Variants in MEGF8 observed in about 807,000 individuals in gnomAD.
MEGF8 encodes the protein multiple EGF like domains 8.
Under a neutral mutation model 302.9 loss-of-function variants are expected in MEGF8, and 156 were observed. The ratio of observed to expected loss-of-function variants is 0.52; its 90% confidence interval spans 0.45 to 0.59. The LOEUF (loss-of-function observed/expected upper bound fraction) is 0.59, where lower values mean the gene tolerates loss of function less well. Ranked by LOEUF, MEGF8 falls within the 20% of genes least tolerant of loss-of-function variation. MEGF8 has a pLI of 0.00. For synonymous variants in MEGF8, 1,621 were observed against 1,660.5 expected (o/e 0.98, Z 0.58); for missense variants, 3,345 against 3,964.5 (o/e 0.84, Z 4.20).
In MEGF8 at chr19:42,369,440, TGAG is replaced by T. The variant is rs1406947732; in HGVS notation, c.6642-90_6642-88del. ...GACAGAGCAGGGATGAGCAACCAGT[TGAG>T]AAGAGGGTGGGGTAGTTGGTTGGGT... On this transcript the variant is annotated intron_variant, in intron 37 of 41. Transcript: ENST00000251268. The surrounding 1 kb of genome is among the most constrained non-coding windows in gnomAD (Gnocchi z 5.7). The T allele has an allele frequency of 5.9e-6, 8 of 1,355,642 alleles. No individual in the cohort carries two copies. The highest frequency in any genetic ancestry group is 5.2e-4 in the Middle Eastern group (2 of 3,818). 84.0% of individuals were successfully genotyped at this position (1,355,642 alleles called of 1,614,324 possible). A position where few individuals can be genotyped will look rare whatever the true frequency, so the allele number is the denominator to read the frequency against.
At chr19:42,339,740 A>G (rs1044332631) in intron 8 of MEGF8, among the ~76,000 whole-genome samples, 51 of 152,212 alleles carry the variant, frequency 3.4e-4, no homozygotes, top group African/African-American at 1.2e-3. Context: ...CAGCATGGCT[A>G]TCCCCAAACA....
intron 8 of MEGF8, among the ~76,000 whole-genome samples, chr19:42,337,861 T>C (rs2039153635): frequency 6.6e-6 from 1 of 151,964 alleles, no homozygotes; most frequent in Non-Finnish European, 1.5e-5. Context: ...TAGAGTGCAG[T>C]AGCGTGATCT....
intron 1 of MEGF8, among the ~76,000 whole-genome samples, chr19:42,332,970 T>G (rs554416328): frequency 6.6e-6 from 1 of 152,264 alleles, no homozygotes; most frequent in African/African-American, 2.4e-5. Context: ...CTGGTAGCTA[T>G]TTGGTGGCAG....
At position 42,368,443 on chromosome 19, in the gene MEGF8, C is replaced by T. The variant is rs1375088406; in HGVS notation, c.6274-12C>T. ...CTCTTCCCTGCATCCCCATCCCCTC[C>T]CCCCCATACAGTGTCTGAGCCCTTC... On this transcript the variant is annotated splice_polypyrimidine_tract_variant and intron_variant, in intron 35 of 41. Coordinates refer to ENST00000251268, the MANE Select transcript of MEGF8 (RefSeq NM_001271938.2). This position sits in a 1 kb window ranked among gnomAD's most constrained non-coding sequence, Gnocchi z 4.9. 1.9e-6 allele frequency: 3 copies of T among 1,580,680 alleles called. No individual in the cohort carries two copies. The highest frequency in any genetic ancestry group is 1.2e-5 in the South Asian group (1 of 86,838).
At position 42,333,703 on chromosome 19, in the gene MEGF8, G is replaced by T. The variant is rs370744518; in HGVS notation, c.286G>T (p.Gly96Trp). 5 of 1,614,000 alleles carry T rather than the reference G, an allele frequency of 3.1e-6. No homozygotes were observed. The highest frequency in any genetic ancestry group is 3.4e-6 in the Non-Finnish European group (4 of 1,179,902). Residue 96 changes from glycine (G) to tryptophan (W), a missense_variant, in exon 2 of 42, where the codon GGG (glycine) becomes TGG (tryptophan). Physicochemically the swap from Gly to Trp is radical, Grantham distance 184. Transcript: ENST00000251268. ...CGTGTATGACGGTGACTCCCCGCGAGGGCCGCTGCTTGCCAGTCTAAGTGG... is the reference window on the plus strand; with the variant it reads ...CGTGTATGACGGTGACTCCCCGCGATGGCCGCTGCTTGCCAGTCTAAGTGG... ...LFVYDGDSPR[G>W]PLLASLSGST...
In MEGF8 at chr19:42,359,128, C is replaced by A; in HGVS notation, c.5374C>A (p.Leu1792Met). The change falls in exon 31 of 42, where the codon CTG becomes ATG. Residue 1792 changes from leucine to methionine, a missense_variant. Leu to Met is a conservative substitution (Grantham distance 15, BLOSUM62 2). Coordinates refer to ENST00000251268, the MANE Select transcript of MEGF8 (RefSeq NM_001271938.2). ...CCCCCGGCTTTTCCACGCCTCAGCC[C>A]TGTTAGGGGACACCATGGTGGTTCT... The part of the protein sequence containing the change: ...PRPRLFHASA[L>M]LGDTMVVLGG... 1 of 1,579,622 alleles carries A rather than the reference C, an allele frequency of 6.3e-7. No individual in the cohort carries two copies. The highest frequency in any genetic ancestry group is 2.3e-5 in the East Asian group (1 of 43,632).
rs755556615 is a variant in MEGF8 at position 42,353,688 on chromosome 19, G to T, written c.3761+13G>T. The T allele has an allele frequency of 1.3e-6, 2 of 1,575,842 alleles. No individual in the cohort carries two copies. The highest frequency in any genetic ancestry group is 4.6e-5 in the East Asian group (2 of 43,912). On this transcript the variant is annotated intron_variant, in intron 21 of 41. Transcript: ENST00000251268. The surrounding 1 kb of genome is among the most constrained non-coding windows in gnomAD (Gnocchi z 6.1). The stretch of plus-strand genomic sequence containing the variant: ...ATGGGGATCCCCGGTGAGCCAACGG[G>T]CCAGCCAGGGCTGGGTAGGGTGTGC...
chr19:42,331,888 C>A (rs1197948261), intron 1 of MEGF8, among the ~76,000 whole-genome samples: 1 of 145,884 alleles, frequency 6.9e-6, no homozygotes, highest in African/African-American at 2.5e-5. Context: ...TTTTTTGAGT[C>A]CCCTCTGTCG....
At chr19:42,333,916 C>T in intron 2 of MEGF8, 91 bp from the exon 3 acceptor site, 1 of 1,514,208 alleles carries the variant, frequency 6.6e-7, no homozygotes, top group Non-Finnish European at 9.0e-7. Flanking sequence ...GGCTCTGGGT[C>T]CCCCAGGGTG....
At chr19:42,350,008 T>G in intron 14 of MEGF8, 140 bp from the exon 15 acceptor site, 1 of 695,724 alleles carries the variant, frequency 1.4e-6, no homozygotes, top group South Asian at 1.9e-5. Context: ...ACCTTGGACC[T>G]CTTTACTGAT....
rs1424583539 is a variant in MEGF8 at position 42,349,549 on chromosome 19, G to A, written c.2349G>A (p.Leu783=). Residue 783 remains leucine (L), a synonymous_variant, in exon 14 of 42, where the codon CTG becomes CTA. Transcript: ENST00000251268. ...VAHQEKETRR[L]QRPGSARLFP... The stretch of plus-strand genomic sequence containing the variant: ...ATCAGGAGAAGGAGACGCGGCGGCT[G>A]CAGCGCCCTGGGTCTGCTCGCCTCT... 2 of 1,611,890 alleles carry A rather than the reference G, an allele frequency of 1.2e-6. No homozygotes were observed. Among genetic ancestry groups the A allele is most frequent in the East Asian group, 2.2e-5 (1 of 44,870 alleles).
chr19:42,341,650 G>A (rs1192932300), intron 8 of MEGF8, among the ~76,000 whole-genome samples: 1 of 151,996 alleles, frequency 6.6e-6, no homozygotes, highest in Non-Finnish European at 1.5e-5. Context: ...TTGCTGTGTT[G>A]TCCAGGCTAG....
At chr19:42,363,871 G>A (rs1459092812) in intron 35 of MEGF8, among the ~76,000 whole-genome samples, 1 of 152,196 alleles carries the variant, frequency 6.6e-6, no homozygotes, top group Non-Finnish European at 1.5e-5. Context: ...TCGGGTTTCT[G>A]TCGGTCTGAT....
chr19:42,365,248 G>A (rs905173267), intron 35 of MEGF8, among the ~76,000 whole-genome samples: 3 of 152,040 alleles, frequency 2.0e-5, no homozygotes, highest in Admixed American at 6.6e-5. Flanking sequence ...GCGGGCATGC[G>A]CTGTTCCCCC....
At chr19:42,367,317 C>A (rs2039621192) in intron 35 of MEGF8, among the ~76,000 whole-genome samples, 1 of 146,068 alleles carries the variant, frequency 6.8e-6, no homozygotes, top group Admixed American at 6.9e-5. Flanking sequence ...GAGACGGAGT[C>A]TCGCTCTGTC....
intron 12 of MEGF8, 52 bp from the exon 13 acceptor site, chr19:42,348,220 G>A: frequency 6.9e-7 from 1 of 1,458,596 alleles, no homozygotes; most frequent in Non-Finnish European, 9.2e-7. Context: ...CTCTGATGTG[G>A]CCTGTGAGTC....
Position 42,335,277 on chromosome 19 carries a change from G to C in MEGF8, c.740-20G>C, listed in dbSNP as rs778992755. 3 of 1,613,978 alleles carry C rather than the reference G, an allele frequency of 1.9e-6. No homozygotes were observed. In the Admixed American group the frequency reaches 5.0e-5, roughly 27 times the overall value. On this transcript the variant is annotated intron_variant, in intron 4 of 41. Transcript: ENST00000251268. ...CCGGCAGCCTATGGCCAGGGCATGA[G>C]ACTATCCACCCCTCCACAGGCCAGG...
Position 42,375,655 on chromosome 19 carries a change from G to C in MEGF8, c.7418G>C (p.Gly2473Ala). 6.2e-7 allele frequency: 1 copy of C among 1,610,226 alleles called. No individual in the cohort carries two copies. The highest frequency in any genetic ancestry group is 8.5e-7 in the Non-Finnish European group (1 of 1,178,768). ...CCCAAACGCCGGGCGCTAGGCCCCGGCCGCACTGTCCTCTTTGGCGTGCAG... is the reference window on the plus strand; with the variant it reads ...CCCAAACGCCGGGCGCTAGGCCCCGCCCGCACTGTCCTCTTTGGCGTGCAG... The part of the protein sequence containing the change: ...HEPKRRALGP[G>A]RTVLFGVQPK... The change falls in exon 42 of 42, where the codon GGC (glycine) becomes GCC (alanine). Residue 2473 changes from glycine (G) to alanine (A), a missense_variant. Gly to Ala is a moderately conservative substitution (Grantham distance 60). Transcript: ENST00000251268. This position sits in a 1 kb window ranked among gnomAD's most constrained non-coding sequence, Gnocchi z 7.1.
rs776947386 is a variant in MEGF8 at position 42,356,915 on chromosome 19, C to A, written c.4764C>A (p.Thr1588=). 1.2e-6 allele frequency: 2 copies of A among 1,610,566 alleles called. No individual in the cohort carries two copies. The highest frequency in any genetic ancestry group is 1.7e-6 in the Non-Finnish European group (2 of 1,178,614). Residue 1588 remains threonine, a synonymous_variant, in exon 27 of 42, where the codon ACC becomes ACA. Transcript: ENST00000251268. The surrounding 1 kb of genome is among the most constrained non-coding windows in gnomAD (Gnocchi z 5.2). The stretch of plus-strand genomic sequence containing the variant: ...CCATGTATCTGCTGGGGGGACTTAC[C>A]GCTGGAGGCGTCACCCGTGATTTCT... The part of the protein sequence containing the change: ...RGAMYLLGGL[T]AGGVTRDFWV...
Sources: allele counts gnomAD v4.1 joint callset (sites outside exome capture counted in the v4.1 genomes callset), GRCh38; gene constraint gnomAD v4.1.1; non-coding constraint Gnocchi (gnomAD v3.1); transcripts MANE v1.5; gene names NCBI Gene and HGNC (gene_info 2026-07-23, HGNC 2026-07-21).